The following BLTP1 variants were observed in gnomAD, a reference collection of about 807,000 sequenced individuals.
The protein encoded by BLTP1 is fragile site-associated protein.
chr4:122,238,424 C>A, the BLTP1 span: 1 of 1,220,638 alleles, frequency 8.2e-7, no homozygotes, highest in Non-Finnish European at 1.2e-6. Flanking sequence ...GCAAGAAAAA[C>A]TTCTTCCCTC....
the BLTP1 span, chr4:122,249,014 G>T: frequency 6.3e-6 from 6 of 952,456 alleles, no homozygotes; most frequent in Non-Finnish European, 7.5e-6. Flanking sequence ...GTATCTGTAA[G>T]CAGTGGAACC....
At chr4:122,355,597 A>ATATG in the BLTP1 span, 1 of 150,528 alleles carries the variant, frequency 6.6e-6, no homozygotes, top group Non-Finnish European at 1.4e-5. Flanking sequence ...GTATATATAC[A>ATATG]TATGTATATA....
the BLTP1 span, chr4:122,231,921 T>C: frequency 1.4e-6 from 1 of 734,774 alleles, no homozygotes; most frequent in Non-Finnish European, 1.7e-6. Context: ...AGATTTGACA[T>C]ATATCCGAGT....
the BLTP1 span, among the ~76,000 whole-genome samples, chr4:122,352,355 CTTTT>C: frequency 2.6e-4 from 29 of 111,712 alleles, no homozygotes; most frequent in Non-Finnish European, 5.1e-4. Flanking sequence ...TTTGGTTTTT[CTTTT>C]TTTTTTTTTT....
chr4:122,201,971 T>G, the BLTP1 span: 3 of 598,594 alleles, frequency 5.0e-6, no homozygotes, highest in Non-Finnish European at 6.3e-6. Context: ...TATAATGTTG[T>G]GTAAATGATT....
chr4:122,360,949 G>GT, the BLTP1 span, among the ~76,000 whole-genome samples: 1 of 152,104 alleles, frequency 6.6e-6, no homozygotes, highest in African/African-American at 2.4e-5. Context: ...AGAGAGCGTG[G>GT]TTTAAGAGCT....
At chr4:122,235,483 C>T in the BLTP1 span, 10 of 981,000 alleles carry the variant, frequency 1.0e-5, no homozygotes, top group Non-Finnish European at 1.2e-5. Context: ...TTAAACATGT[C>T]AAGAAAAGAA....
the BLTP1 span, chr4:122,315,346 G>A: frequency 2.0e-5 from 27 of 1,335,718 alleles, no homozygotes; most frequent in Admixed American, 5.5e-4. Context: ...TGATGTTTCT[G>A]ACAAGTTTAG....
At chr4:122,181,346 A>G in the BLTP1 span, 1 of 349,284 alleles carries the variant, frequency 2.9e-6, no homozygotes, top group Non-Finnish European at 4.0e-6. Flanking sequence ...AGAGCAATTC[A>G]AAAACTTAGT....
chr4:122,350,478 C>T, the BLTP1 span: 1 of 775,886 alleles, frequency 1.3e-6, no homozygotes, highest in Non-Finnish European at 1.6e-6. Flanking sequence ...TGTGCTTAGG[C>T]ACTATTCTAG....
At chr4:122,312,196 T>A in the BLTP1 span, among the ~76,000 whole-genome samples, 1 of 152,058 alleles carries the variant, frequency 6.6e-6, no homozygotes, top group East Asian at 1.9e-4. Flanking sequence ...CCGCCATACC[T>A]GGCTAATTTT....
chr4:122,176,170 G>GT, the BLTP1 span, among the ~76,000 whole-genome samples: 1 of 152,024 alleles, frequency 6.6e-6, no homozygotes, highest in Admixed American at 6.6e-5. Flanking sequence ...GGGCGTGGTG[G>GT]TGGGCACCTG....
At chr4:122,228,609 A>G in the BLTP1 span, among the ~76,000 whole-genome samples, 2 of 152,226 alleles carry the variant, frequency 1.3e-5, no homozygotes, top group Admixed American at 6.5e-5. Flanking sequence ...TTATTGATAT[A>G]GGTGATATAT....
chr4:122,203,033 G>A, the BLTP1 span, among the ~76,000 whole-genome samples: 2 of 151,830 alleles, frequency 1.3e-5, no homozygotes, highest in African/African-American at 4.8e-5. Context: ...ACAAATAACT[G>A]TAGAGTCCTT....
chr4:122,282,565 C>G, the BLTP1 span, among the ~76,000 whole-genome samples: 1 of 152,146 alleles, frequency 6.6e-6, no homozygotes, highest in Non-Finnish European at 1.5e-5. Flanking sequence ...TCGCTTGAAT[C>G]CGGGAGGCGG....
At chr4:122,208,043 T>C in the BLTP1 span, 7 of 985,208 alleles carry the variant, frequency 7.1e-6, no homozygotes, top group Admixed American at 6.2e-5. Context: ...CCAGCTCTTA[T>C]GTACTTCTAA....
chr4:122,162,746 CTG>C, the BLTP1 span: 21 of 567,372 alleles, frequency 3.7e-5, no homozygotes, highest in Admixed American at 6.5e-5. Context: ...AAAAAAAAAA[CTG>C]GGAGTAATAA....
chr4:122,304,783 C>T, the BLTP1 span: 3 of 1,610,898 alleles, frequency 1.9e-6, no homozygotes, highest in Non-Finnish European at 2.5e-6. Flanking sequence ...TTCCTCCTAA[C>T]ATATAATCTG....
the BLTP1 span, chr4:122,247,438 C>A: frequency 6.7e-7 from 1 of 1,483,872 alleles, no homozygotes; most frequent in South Asian, 1.2e-5. Context: ...TGTTTTTTTC[C>A]TTTGACTATT....
Sources: allele counts gnomAD v4.1 joint callset (sites outside exome capture counted in the v4.1 genomes callset), GRCh38; gene constraint gnomAD v4.1.1; transcripts MANE v1.5; gene names NCBI Gene and HGNC (gene_info 2026-07-23, HGNC 2026-07-21).